The following CDK8 variants were observed in gnomAD, a reference collection of about 807,000 sequenced individuals.
CDK8 encodes cyclin-dependent kinase 8.
In CDK8, 29 loss-of-function variants were observed where a neutral mutation model predicts 71.5. The ratio of observed to expected loss-of-function variants is 0.41; its 90% CI spans 0.30 to 0.55. The LOEUF is 0.55. Among genes scored for constraint, CDK8 ranks in the 20% least tolerant of loss-of-function variants. CDK8 has a pLI of 0.37. For synonymous variants in CDK8, 161 were observed against 192.1 expected, an observed-to-expected ratio of 0.84 and a Z score of 1.34; for missense variants, 288 against 572.6, an observed-to-expected ratio of 0.50 and a Z score of 5.07.
At chr13:26,269,162 G>T (rs993206329) in intron 1 of CDK8, among the ~76,000 whole-genome samples, 1 of 152,166 alleles carries the variant, frequency 6.6e-6, no homozygotes, top group African/African-American at 2.4e-5. Flanking sequence ...CCAGGTGATT[G>T]TAAGACAGCT....
In CDK8 at chr13:26,265,156, C is replaced by T. The variant is rs143820684; in HGVS notation, c.128+10387C>T. Among the ~76,000 whole-genome samples, 413 of 152,178 alleles carry T rather than the reference C, an allele frequency of 2.7e-3. 2 individuals are homozygous for T. The highest frequency in any genetic ancestry group is 9.4e-3 in the African/African-American group (390 of 41,522). ...TATTTTTAGTTTTTTGAGAAATCTT[C>T]GTACTGTTTTTTATAGTGGCTGTAC... On this transcript the variant is annotated intron_variant, in intron 1 of 12. Transcript: ENST00000381527.
intron 4 of CDK8, chr13:26,359,627 C>A: frequency 3.8e-6 from 1 of 264,732 alleles, no homozygotes; most frequent in Non-Finnish European, 7.8e-6. Context: ...AGGGCATGAG[C>A]GGTTTTTCAC....
At chr13:26,379,748 A>G (rs1489315903) in intron 4 of CDK8, among the ~76,000 whole-genome samples, 1 of 152,232 alleles carries the variant, frequency 6.6e-6, no homozygotes. Context: ...CCGGTGTTAG[A>G]AAAATCAGTC....
chr13:26,310,583 G>A (rs550688946), intron 1 of CDK8, among the ~76,000 whole-genome samples: 12 of 152,210 alleles, frequency 7.9e-5, no homozygotes, highest in East Asian at 3.9e-4. Flanking sequence ...AATAGGGTCC[G>A]TTCTCCTATG....
At chr13:26,403,345 C>CA (rs557093302) in intron 12 of CDK8, among the ~76,000 whole-genome samples, 185 of 151,494 alleles carry the variant, frequency 1.2e-3, no homozygotes, top group African/African-American at 4.1e-3. Context: ...TCTGTTCCTT[C>CA]AAAAAAAATT....
Position 26,385,726 on chromosome 13 carries a change from C to G in CDK8, c.646+384C>G, listed in dbSNP as rs189791737. ...TACTCCAGCCTAGGCGACGGGGAGA[C>G]ACTGTCTCAAAAAATATAAATAAAT... On this transcript the variant is annotated intron_variant, in intron 6 of 12. Transcript: ENST00000381527. Among the ~76,000 whole-genome samples, 4 of 152,134 alleles carry G rather than the reference C, an allele frequency of 2.6e-5. No individual in the cohort carries two copies. In the East Asian group the frequency reaches 7.7e-4, roughly 29 times the overall value.
At chr13:26,295,831 G>A (rs1436452862) in intron 1 of CDK8, among the ~76,000 whole-genome samples, 1 of 152,152 alleles carries the variant, frequency 6.6e-6, no homozygotes, top group African/African-American at 2.4e-5. Flanking sequence ...ATGACTGTAT[G>A]AGGTCTCAAT....
chr13:26,255,971 A>T (rs1053413322), intron 1 of CDK8, among the ~76,000 whole-genome samples: 2 of 152,204 alleles, frequency 1.3e-5, no homozygotes, highest in Non-Finnish European at 2.9e-5. Context: ...AGGAAAGTGT[A>T]TATTTATTGG....
Position 26,277,815 on chromosome 13 carries a change from T to A in CDK8, c.128+23046T>A, listed in dbSNP as rs184287813. Among the ~76,000 whole-genome samples, 73 of 152,338 alleles carry A rather than the reference T, an allele frequency of 4.8e-4. 1 individual carries two copies. Among genetic ancestry groups the A allele is most frequent in the Admixed American group, 4.4e-3 (68 of 15,302 alleles). On this transcript the variant is annotated intron_variant, in intron 1 of 12. Coordinates refer to ENST00000381527, the MANE Select transcript of CDK8 (RefSeq NM_001260.3). ...TATATTTATGAATGATAGATTCGTA[T>A]TTAGTTACTAAATGGAATTAAGCTA... is the stretch of plus-strand genomic sequence containing the variant.
chr13:26,311,174 A>C (rs1253134937), intron 1 of CDK8, among the ~76,000 whole-genome samples: 1 of 151,698 alleles, frequency 6.6e-6, no homozygotes, highest in East Asian at 1.9e-4. Flanking sequence ...TGTATATTTT[A>C]CTGAAAAAAA....
chr13:26,357,018 T>C (rs1231206405), intron 4 of CDK8, among the ~76,000 whole-genome samples: 4 of 152,230 alleles, frequency 2.6e-5, no homozygotes, highest in Non-Finnish European at 5.9e-5. Flanking sequence ...ATTTTAATAA[T>C]ACTCTGGAAT....
At chr13:26,373,636 T>A (rs945346598) in intron 4 of CDK8, among the ~76,000 whole-genome samples, 1 of 152,150 alleles carries the variant, frequency 6.6e-6, no homozygotes, top group African/African-American at 2.4e-5. Context: ...TGTTATGTAG[T>A]CATTAAAAAT....
At chr13:26,256,384 G>C (rs1871526826) in intron 1 of CDK8, among the ~76,000 whole-genome samples, 1 of 151,888 alleles carries the variant, frequency 6.6e-6, no homozygotes. Flanking sequence ...TGTAATTTTG[G>C]GCATATTCAT....
chr13:26,310,882 C>A (rs971577922), intron 1 of CDK8, among the ~76,000 whole-genome samples: 2 of 152,138 alleles, frequency 1.3e-5, no homozygotes, highest in Admixed American at 1.3e-4. Context: ...CTTTGCATTG[C>A]ATTTTATGAT....
chr13:26,272,897 A>C (rs759458838), intron 1 of CDK8, among the ~76,000 whole-genome samples: 1 of 152,172 alleles, frequency 6.6e-6, no homozygotes, highest in Non-Finnish European at 1.5e-5. Flanking sequence ...ACATCATTAC[A>C]TGGTGCATGA....
chr13:26,289,099 G>A (rs1323442278), intron 1 of CDK8, among the ~76,000 whole-genome samples: 2 of 145,532 alleles, frequency 1.4e-5, no homozygotes, highest in Non-Finnish European at 3.0e-5. Context: ...TCTGTGGCCA[G>A]GCCGGAATGC....
intron 1 of CDK8, among the ~76,000 whole-genome samples, chr13:26,327,610 C>G (rs189529861): frequency 9.1e-4 from 139 of 152,254 alleles, no homozygotes; most frequent in African/African-American, 3.3e-3. Context: ...AGGTGGATCA[C>G]CTGAGGTCAG....
At chr13:26,287,556 T>C (rs986957949) in intron 1 of CDK8, among the ~76,000 whole-genome samples, 11 of 152,122 alleles carry the variant, frequency 7.2e-5, no homozygotes, top group African/African-American at 2.2e-4. Context: ...TAATGGATTT[T>C]TGGGGACTTG....
intron 1 of CDK8, among the ~76,000 whole-genome samples, chr13:26,289,694 G>A (rs1873206371): frequency 6.6e-6 from 1 of 152,010 alleles, no homozygotes; most frequent in Admixed American, 6.6e-5. Flanking sequence ...GGGACTAAAG[G>A]CACCTGCCAC....
Sources: allele counts gnomAD v4.1 joint callset (sites outside exome capture counted in the v4.1 genomes callset), GRCh38; gene constraint gnomAD v4.1.1; transcripts MANE v1.5; gene names NCBI Gene and HGNC (gene_info 2026-07-23, HGNC 2026-07-21).